ZBTB14: variants seen among roughly 807,000 people sequenced by gnomAD.
The protein encoded by ZBTB14 is zinc finger and BTB domain-containing protein 14.
In ZBTB14, 8 loss-of-function variants were observed where a neutral mutation model predicts 29.5. The ratio of observed to expected loss-of-function variants is 0.27; its 90% CI spans 0.16 to 0.49. The LOEUF is 0.49. Ranked by LOEUF, ZBTB14 falls within the 20% of genes least tolerant of loss-of-function variation. The pLI is 0.99. For synonymous variants in ZBTB14, 226 were observed against 207.2 expected, an observed-to-expected ratio of 1.09 and a Z score of -0.78; for missense variants, 333 against 563.8, an observed-to-expected ratio of 0.59 and a Z score of 4.15.
In ZBTB14 at chr18:5,293,975, A is replaced by C. The variant is rs1328565330; in HGVS notation, c.-85T>G. The C allele has an allele frequency of 6.6e-6, 1 of 152,230 alleles. No homozygotes were observed. The highest frequency in any genetic ancestry group is 1.9e-4 in the East Asian group (1 of 5,196). 9.4% of individuals were successfully genotyped at this position (152,230 alleles called of 1,614,324 possible). A position where few individuals can be genotyped will look rare whatever the true frequency, so the allele number is the denominator to read the frequency against. Reference sequence around the variant, plus strand: ...TTTTGTGAGTTTTAACTCTTACCGGAAGAACTCCATCCTGCAGACCCATAT... The same window carrying C: ...TTTTGTGAGTTTTAACTCTTACCGGCAGAACTCCATCCTGCAGACCCATAT... On this transcript the variant is annotated 5_prime_UTR_variant, in exon 2 of 4. Coordinates refer to ENST00000651870, the MANE Select transcript of ZBTB14 (RefSeq NM_001243702.2).
At position 5,290,652 on chromosome 18, in the gene ZBTB14, A is replaced by G. The variant is rs2071791099; in HGVS notation, c.*206T>C. 1 of 686,962 alleles carries G rather than the reference A, an allele frequency of 1.5e-6. No individual in the cohort carries two copies. Among genetic ancestry groups the G allele is most frequent in the South Asian group, 2.2e-5 (1 of 44,564 alleles). 42.6% of individuals were successfully genotyped at this position (686,962 alleles called of 1,614,324 possible). A position where few individuals can be genotyped will look rare whatever the true frequency, so the allele number is the denominator to read the frequency against. On this transcript the variant is annotated 3_prime_UTR_variant, in exon 4 of 4. Coordinates refer to ENST00000651870, the MANE Select transcript of ZBTB14 (RefSeq NM_001243702.2). ...GGGCAACATTAATACTAGACACCAG[A>G]CAAGACAGTGAAACGGTTTGGTCAG...
chr18:5,296,221 C>T (rs867203388), upstream of ZBTB14: 9 of 151,132 alleles, frequency 6.0e-5, no homozygotes, highest in East Asian at 2.0e-4. Context: ...GGGCCCTGGC[C>T]TGCGCACGCG....
Position 5,290,809 on chromosome 18 carries a change from G to C in ZBTB14, c.*49C>G. ...CTGGCATTCACTCATTATGATCCACGTCATCTCAGTCTCCACTTTCCAGGC... is the reference window on the plus strand; with the variant it reads ...CTGGCATTCACTCATTATGATCCACCTCATCTCAGTCTCCACTTTCCAGGC... On this transcript the variant is annotated 3_prime_UTR_variant, in exon 4 of 4. Transcript: ENST00000651870. 6 of 1,578,074 alleles carry C rather than the reference G, an allele frequency of 3.8e-6. No individual in the cohort carries two copies. The highest frequency in any genetic ancestry group is 5.2e-6 in the Non-Finnish European group (6 of 1,163,180).
In ZBTB14 at chr18:5,291,993, C is replaced by G; in HGVS notation, c.215G>C (p.Ser72Thr). 1 of 1,613,808 alleles carries G rather than the reference C, an allele frequency of 6.2e-7. No individual in the cohort carries two copies. Among genetic ancestry groups the G allele is most frequent in the Non-Finnish European group, 8.5e-7 (1 of 1,179,968 alleles). The change falls in exon 4 of 4, where the codon AGT becomes ACT. Residue 72 changes from serine to threonine, a missense_variant. Physicochemically the swap from Ser to Thr is moderately conservative, Grantham distance 58. Transcript: ENST00000651870. The surrounding 1 kb of genome is among the most constrained non-coding windows in gnomAD (Gnocchi z 5.8). The stretch of plus-strand genomic sequence containing the variant: ...AAAATCTATTTCTATGACCGAAGAA[C>G]TATCAACCTCAAGCTTCTTGAAAAG... ...KKLFKKLEVD[S>T]SSVIEIDFLR...
At chr18:5,295,496 G>A (rs1000835166) in intron 1 of ZBTB14, among the ~76,000 whole-genome samples, 156 bp downstream of exon 1, 2 of 144,652 alleles carry the variant, frequency 1.4e-5, no homozygotes, top group Admixed American at 6.8e-5. Context: ...CGGTGCGAGC[G>A]GGGGCGGCCA....
chr18:5,295,136 G>A (rs1430424361), intron 1 of ZBTB14, among the ~76,000 whole-genome samples: 2 of 145,962 alleles, frequency 1.4e-5, no homozygotes, highest in Non-Finnish European at 3.0e-5. Context: ...GCCCGCGGCG[G>A]CCCCGGCGGC....
chr18:5,294,271 G>T lies in ZBTB14; in HGVS notation c.-111-270C>A, dbSNP rs1397524270. On this transcript the variant is annotated intron_variant, in intron 1 of 3. Coordinates refer to ENST00000651870, the MANE Select transcript of ZBTB14 (RefSeq NM_001243702.2). ...GATGATTCTGACTTGATCATTCTAC[G>T]TGTTTCTGCCTCTCTATTCCCTAGA... Among the ~76,000 whole-genome samples the T allele has an allele frequency of 5.3e-5, 8 of 152,296 alleles. No individual in the cohort carries two copies. The East Asian group carries it at 1.5e-3, about 29-fold the overall frequency.
rs1387330879 is a variant in ZBTB14, at chr18:5,289,310, A to G, written c.*1548T>C. On this transcript the variant is annotated 3_prime_UTR_variant, in exon 4 of 4. Coordinates refer to ENST00000651870, the MANE Select transcript of ZBTB14 (RefSeq NM_001243702.2). ...GCATCTTCATCCTAACATCTTGGGC[A>G]TAACACACACCAATTAAAAAATCAA... is the stretch of plus-strand genomic sequence containing the variant. 3 of 152,252 alleles carry G rather than the reference A, an allele frequency of 2.0e-5. No individual in the cohort carries two copies. The highest frequency in any genetic ancestry group is 6.5e-5 in the Admixed American group (1 of 15,288). The allele number at this position is 152,252 out of a possible 1,614,324, so 9.4% of individuals were successfully genotyped here.
At chr18:5,292,475 T>C (rs1014393382) in intron 3 of ZBTB14, among the ~76,000 whole-genome samples, 1 of 152,238 alleles carries the variant, frequency 6.6e-6, no homozygotes, top group Admixed American at 6.5e-5. Context: ...TAATTTAATA[T>C]TCAGGTAACC....
chr18:5,295,599 G>A (rs1248110818), intron 1 of ZBTB14, 53 bp downstream of exon 1: 4 of 143,624 alleles, frequency 2.8e-5, no homozygotes, highest in Non-Finnish European at 4.6e-5. Context: ...CGCGGCCCCC[G>A]GGGCGCCCCG....
At chr18:5,293,199 G>A in intron 3 of ZBTB14, 45 bp downstream of exon 3, 2 of 1,606,570 alleles carry the variant, frequency 1.2e-6, no homozygotes, top group Non-Finnish European at 1.7e-6. Flanking sequence ...TAAAGCAAAT[G>A]CCAAGTCATT....
At chr18:5,295,012 G>A (rs989208525) in intron 1 of ZBTB14, among the ~76,000 whole-genome samples, 1 of 152,022 alleles carries the variant, frequency 6.6e-6, no homozygotes, top group Non-Finnish European at 1.5e-5. Context: ...CTCCTTCCCA[G>A]ACAAAAGCTC....
At chr18:5,292,935 A>T (rs958483969) in intron 3 of ZBTB14, among the ~76,000 whole-genome samples, 5 of 152,210 alleles carry the variant, frequency 3.3e-5, no homozygotes, top group Non-Finnish European at 7.3e-5. Flanking sequence ...TTCTCTCTAG[A>T]TGCCAATCTA....
rs1183021026 is a variant in ZBTB14, at chr18:5,290,083, C to G, written c.*775G>C. On this transcript the variant is annotated 3_prime_UTR_variant, in exon 4 of 4. Transcript: ENST00000651870. ...AGAGCCTTTTCTATTCTTCTTACCA[C>G]AGGTCCACTCACAAATCGCAGCTGG... is the stretch of plus-strand genomic sequence containing the variant. 1 of 152,166 alleles carries G rather than the reference C, an allele frequency of 6.6e-6. No individual in the cohort carries two copies. 9.4% of individuals were successfully genotyped at this position (152,166 alleles called of 1,614,324 possible).
rs761492873 is a variant in ZBTB14, at chr18:5,291,335, T to C, written c.873A>G (p.Arg291=). 1.2e-6 allele frequency: 2 copies of C among 1,614,118 alleles called. No individual in the cohort carries two copies. Among genetic ancestry groups the C allele is most frequent in the African/African-American group, 1.3e-5 (1 of 74,932 alleles). ...ACGKTFSDEG[R]LRKHEKLHTA... is the part of the protein sequence containing the mutation. ...TGTGGAGTTTCTCATGCTTCCTCAATCTGCCTTCATCAGAAAACGTCTTCC... is the reference window on the plus strand; with the variant it reads ...TGTGGAGTTTCTCATGCTTCCTCAACCTGCCTTCATCAGAAAACGTCTTCC... Residue 291 remains arginine (R), a synonymous_variant, in exon 4 of 4, where the codon AGA becomes AGG. Coordinates refer to ENST00000651870, the MANE Select transcript of ZBTB14 (RefSeq NM_001243702.2). This position sits in a 1 kb window ranked among gnomAD's most constrained non-coding sequence, Gnocchi z 5.8.
intron 3 of ZBTB14, 124 bp downstream of exon 3, chr18:5,293,120 T>C: frequency 9.3e-7 from 1 of 1,077,550 alleles, no homozygotes; most frequent in Admixed American, 2.8e-5. Flanking sequence ...GTTTTACTTT[T>C]ATTCGGCTAA....
intron 3 of ZBTB14, among the ~76,000 whole-genome samples, chr18:5,292,646 T>G (rs563396289): frequency 5.9e-5 from 9 of 152,322 alleles, no homozygotes; most frequent in African/African-American, 1.9e-4. Context: ...AACTCAAGTT[T>G]TAAGAAACAG....
At chr18:5,292,227 G>A in intron 3 of ZBTB14, 23 bp from the exon 4 acceptor site, 1 of 1,446,420 alleles carries the variant, frequency 6.9e-7, no homozygotes, top group Non-Finnish European at 9.2e-7. Flanking sequence ...AAAAAGTTTA[G>A]TAATTATAAA....
Position 5,293,259 on chromosome 18 carries a change from C to G in ZBTB14, c.-13G>C. On this transcript the variant is annotated 5_prime_UTR_variant, in exon 3 of 4. Transcript: ENST00000651870. Reference sequence around the variant, plus strand: ...TTATAGTTACCATGAACAACTCAGGCTATTATCTTAATGCCTTGAACGCCA... The same window carrying G: ...TTATAGTTACCATGAACAACTCAGGGTATTATCTTAATGCCTTGAACGCCA... 3 of 1,613,186 alleles carry G rather than the reference C, an allele frequency of 1.9e-6. No individual in the cohort carries two copies. The highest frequency in any genetic ancestry group is 1.1e-5 in the South Asian group (1 of 90,966).
Sources: allele counts gnomAD v4.1 joint callset (sites outside exome capture counted in the v4.1 genomes callset), GRCh38; gene constraint gnomAD v4.1.1; non-coding constraint Gnocchi (gnomAD v3.1); transcripts MANE v1.5; gene names NCBI Gene and HGNC (gene_info 2026-07-23, HGNC 2026-07-21).